The following MBD3L1 variants were observed in gnomAD, a reference collection of about 807,000 sequenced individuals.
The protein encoded by MBD3L1 is methyl-CpG binding domain protein 3 like 1.
For missense variants in MBD3L1, 203 were observed against 230.1 expected, an observed-to-expected ratio of 0.88 and a Z score of 0.76; for synonymous variants, 84 against 85.1, an observed-to-expected ratio of 0.99 and a Z score of 0.07.
rs2044527748 is a variant in MBD3L1 at position 8,842,938 on chromosome 19, T to C, written c.260T>C (p.Leu87Ser). 1 of 1,614,260 alleles carries C rather than the reference T, an allele frequency of 6.2e-7. No homozygotes were observed. Among genetic ancestry groups the C allele is most frequent in the South Asian group, 1.1e-5 (1 of 91,088 alleles). ...YSSAGELSST[L>S]DLANTLQKLV... ...AGTGCAGGAGAACTTTCAAGCACTT[T>C]GGATCTTGCCAATACCTTGCAAAAA... Residue 87 changes from leucine to serine, a missense_variant, in exon 3 of 3, where the codon TTG becomes TCG. Leu to Ser is a moderately radical substitution (Grantham distance 145). Coordinates refer to ENST00000595891, the MANE Select transcript of MBD3L1 (RefSeq NM_001393532.1).
At chr19:8,839,148 G>GC (rs1471601464) in intron 1 of MBD3L1, among the ~76,000 whole-genome samples, 2 of 143,522 alleles carry the variant, frequency 1.4e-5, no homozygotes, top group Non-Finnish European at 3.1e-5. Context: ...AGATGTACTT[G>GC]CCCCGTATTT....
At position 8,842,684 on chromosome 19, in the gene MBD3L1, C is replaced by A; in HGVS notation, c.6C>A (p.Ala2=). The change falls in exon 3 of 3, where the codon GCC becomes GCA. Residue 2 remains alanine (A), a synonymous_variant. Transcript: ENST00000595891. ...GTAAGAGGAAAAGAAGTGTGATGGC[C>A]AAGAGTTCACAGAGGAAGCAACGTG... M[A]KSSQRKQRDC... is the part of the protein sequence containing the mutation. The A allele has an allele frequency of 6.2e-7, 1 of 1,612,760 alleles. No individual in the cohort carries two copies. Among genetic ancestry groups the A allele is most frequent in the South Asian group, 1.1e-5 (1 of 90,890 alleles).
chr19:8,834,658 C>T (rs2044435144), intron 1 of MBD3L1, among the ~76,000 whole-genome samples: 1 of 148,784 alleles, frequency 6.7e-6, no homozygotes, highest in African/African-American at 2.5e-5. Context: ...ACCAACCAAC[C>T]AAGAAACAAA....
At position 8,843,209 on chromosome 19, in the gene MBD3L1, C is replaced by T. The variant is rs756273978; in HGVS notation, c.531C>T (p.Leu177=). 42 of 1,610,542 alleles carry T rather than the reference C, an allele frequency of 2.6e-5. No homozygotes were observed. Among genetic ancestry groups the T allele is most frequent in the South Asian group, 4.4e-5 (4 of 90,324 alleles). Residue 177 remains leucine, a synonymous_variant, in exon 3 of 3, where the codon CTC becomes CTT. Transcript: ENST00000595891. ...RLAIALIADG[L]ANEAEKVRDQ... The stretch of plus-strand genomic sequence containing the variant: ...CAATAGCACTGATTGCGGATGGACT[C>T]GCTAATGAGGCAGAGAAAGTGAGAG...
intron 1 of MBD3L1, among the ~76,000 whole-genome samples, chr19:8,837,390 A>G (rs1416154054): frequency 6.6e-6 from 1 of 152,240 alleles, no homozygotes; most frequent in Non-Finnish European, 1.5e-5. Context: ...GTCAATGTAC[A>G]TTTAGTTATA....
chr19:8,832,878 G>A (rs946191846), intron 1 of MBD3L1, among the ~76,000 whole-genome samples: 14 of 152,236 alleles, frequency 9.2e-5, no homozygotes, highest in Admixed American at 9.1e-4. Context: ...TAAGCTCCGG[G>A]CCGGGCGGAG....
chr19:8,833,918 G>T (rs1344217411), intron 1 of MBD3L1, among the ~76,000 whole-genome samples: 1 of 152,076 alleles, frequency 6.6e-6, no homozygotes, highest in African/African-American at 2.4e-5. Context: ...AACTCGGGAG[G>T]TGGAGGTTGA....
At position 8,843,206 on chromosome 19, in the gene MBD3L1, A is replaced by T. The variant is rs1368166547; in HGVS notation, c.528A>T (p.Gly176=). The change falls in exon 3 of 3, where the codon GGA becomes GGT. Residue 176 remains glycine, a synonymous_variant. Coordinates refer to ENST00000595891, the MANE Select transcript of MBD3L1 (RefSeq NM_001393532.1). ...TCGCAATAGCACTGATTGCGGATGG[A>T]CTCGCTAATGAGGCAGAGAAAGTGA... is the stretch of plus-strand genomic sequence containing the variant. ...ERLAIALIAD[G]LANEAEKVRD... 1 of 1,611,886 alleles carries T rather than the reference A, an allele frequency of 6.2e-7. No homozygotes were observed. The highest frequency in any genetic ancestry group is 1.7e-5 in the Admixed American group (1 of 59,714).
chr19:8,832,831 G>C (rs1447570884), intron 1 of MBD3L1, among the ~76,000 whole-genome samples: 1 of 151,748 alleles, frequency 6.6e-6, no homozygotes, highest in Non-Finnish European at 1.5e-5. Flanking sequence ...CTGTGGTTGT[G>C]ACAGCCCTGG....
chr19:8,837,905 C>T (rs535519620), intron 1 of MBD3L1, among the ~76,000 whole-genome samples: 37 of 152,116 alleles, frequency 2.4e-4, no homozygotes, highest in African/African-American at 8.7e-4. Flanking sequence ...ATGGAGCAGG[C>T]AGAGTTCCTT....
chr19:8,838,274 A>AAAAAAAAAAAAAC (rs2044475821), intron 1 of MBD3L1, among the ~76,000 whole-genome samples: 1 of 146,654 alleles, frequency 6.8e-6, no homozygotes, highest in Non-Finnish European at 1.5e-5. Context: ...AAAAAAAAAA[A>AAAAAAAAAAAAAC]AAAAAAAAAG....
chr19:8,833,727 G>A (rs952615729), intron 1 of MBD3L1, among the ~76,000 whole-genome samples: 2 of 151,240 alleles, frequency 1.3e-5, no homozygotes, highest in East Asian at 1.9e-4. Flanking sequence ...GGTGGCTTAC[G>A]CTTGTAATCC....
Position 8,839,906 on chromosome 19 carries a change from T to C in MBD3L1, c.-106-1009T>C, listed in dbSNP as rs10425910. ...AAGGGATTCAGTAGAAAAACAGAAG[T>C]TAAAGATATGGGGGCATCTGTAATC... On this transcript the variant is annotated intron_variant, in intron 1 of 2. Transcript: ENST00000595891. Among the ~76,000 whole-genome samples, 1,042 of 151,888 alleles carry C rather than the reference T, an allele frequency of 6.9e-3. 10 individuals are homozygous for C. The highest frequency in any genetic ancestry group is 0.024 in the African/African-American group (990 of 41,444).
intron 1 of MBD3L1, among the ~76,000 whole-genome samples, chr19:8,838,582 A>C (rs2044479320): frequency 6.6e-6 from 1 of 152,178 alleles, no homozygotes; most frequent in Non-Finnish European, 1.5e-5. Context: ...GAATTCTAAA[A>C]GTCTATTTTA....
Position 8,842,812 on chromosome 19 carries a change from A to C in MBD3L1, c.134A>C (p.His45Pro). 2 of 1,614,224 alleles carry C rather than the reference A, an allele frequency of 1.2e-6. No homozygotes were observed. Among genetic ancestry groups the C allele is most frequent in the Non-Finnish European group, 8.5e-7 (1 of 1,180,038 alleles). ...AGGCCAGTAACGAGAATTACACCCC[A>C]TCCTGGCAATGAGGTCAGATACCAT... is the stretch of plus-strand genomic sequence containing the variant. ...FKRPVTRITP[H>P]PGNEVRYHQW... Residue 45 changes from histidine to proline, a missense_variant, in exon 3 of 3, where the codon CAT becomes CCT. Coordinates refer to ENST00000595891, the MANE Select transcript of MBD3L1 (RefSeq NM_001393532.1).
chr19:8,835,596 C>T (rs1265911692), intron 1 of MBD3L1, among the ~76,000 whole-genome samples: 1 of 152,134 alleles, frequency 6.6e-6, no homozygotes, highest in Non-Finnish European at 1.5e-5. Context: ...TAAAATGGTG[C>T]ACCCACTTTG....
In MBD3L1 at chr19:8,842,737, C is replaced by T. The variant is rs758051513; in HGVS notation, c.59C>T (p.Pro20Leu). 2 of 1,614,206 alleles carry T rather than the reference C, an allele frequency of 1.2e-6. No homozygotes were observed. Among genetic ancestry groups the T allele is most frequent in the Admixed American group, 3.3e-5 (2 of 60,014 alleles). Residue 20 changes from proline to leucine, a missense_variant, in exon 3 of 3, where the codon CCT becomes CTT. By Grantham distance (98) the Pro-to-Leu change is moderately conservative. Coordinates refer to ENST00000595891, the MANE Select transcript of MBD3L1 (RefSeq NM_001393532.1). ...RDCVNQCKSKPGLSTSIPLRM... is the reference protein window; with the variant it reads ...RDCVNQCKSKLGLSTSIPLRM... ...TGTGTAAACCAATGCAAATCAAAGC[C>T]TGGCTTGAGCACCTCAATCCCTTTG...
chr19:8,842,480 T>C (rs1425052255), intron 2 of MBD3L1, 178 bp from the exon 3 acceptor site: 2 of 557,722 alleles, frequency 3.6e-6, no homozygotes, highest in Non-Finnish European at 6.4e-6. Context: ...GAAGGAGATT[T>C]TGACCTTGAA....
Position 8,842,844 on chromosome 19 carries a change from G to C in MBD3L1, c.166G>C (p.Glu56Gln), listed in dbSNP as rs189510894. Residue 56 changes from glutamate (E) to glutamine (Q), a missense_variant, in exon 3 of 3, where the codon GAG becomes CAG. Physicochemically the swap from Glu to Gln is conservative, Grantham distance 29. Transcript: ENST00000595891. ...CAATGAGGTCAGATACCATCAATGG[G>C]AGGAGAGCTTGGAGAAGCCTCAGCA... The part of the protein sequence containing the change: ...PGNEVRYHQW[E>Q]ESLEKPQQVC... 14 of 1,614,238 alleles carry C rather than the reference G, an allele frequency of 8.7e-6. No homozygotes were observed. In the East Asian group the frequency reaches 2.9e-4, roughly 33 times the overall value.
Sources: gnomAD v4.1 joint callset for allele counts (sites outside exome capture counted in the v4.1 genomes callset) on GRCh38, gnomAD v4.1.1 for gene constraint, MANE v1.5 for transcripts, NCBI Gene and HGNC (gene_info 2026-07-23, HGNC 2026-07-21) for gene names.